The following AKAP6 variants were observed in gnomAD, a reference collection of about 807,000 sequenced individuals.
The protein encoded by AKAP6 is A-kinase anchoring protein 6.
In AKAP6, 58 loss-of-function variants were observed where a neutral mutation model predicts 188.5. That is an observed-to-expected ratio of 0.31 (90% CI 0.25 to 0.38). AKAP6 has a LOEUF of 0.38. Among genes scored for constraint, AKAP6 ranks in the 10% least tolerant of loss-of-function variants. AKAP6 has a pLI of 1.00. For synonymous variants in AKAP6, 989 were observed against 998.6 expected, an observed-to-expected ratio of 0.99 and a Z score of 0.18; for missense variants, 2,710 against 2,740.0, an observed-to-expected ratio of 0.99 and a Z score of 0.24.
At position 32,588,498 on chromosome 14, in the gene AKAP6, G is replaced by A. The variant is rs142855882; in HGVS notation, c.2470-10912G>A. ...AATCAATCTGTCCACTTCAGGGACA[G>A]CTTTTTCTCTAAGTCCTGAAAAATG... On this transcript the variant is annotated intron_variant, in intron 5 of 13. Transcript: ENST00000280979. 4.9e-3 allele frequency among the ~76,000 whole-genome samples: 744 copies of A among 152,362 alleles called. 1 individual carries two copies. Among genetic ancestry groups the A allele is most frequent in the Middle Eastern group, 0.017 (5 of 294 alleles).
chr14:32,548,119 T>C (rs2139163109), intron 4 of AKAP6, among the ~76,000 whole-genome samples: 2 of 144,090 alleles, frequency 1.4e-5, no homozygotes, highest in East Asian at 4.1e-4. Context: ...TTTTTTCCTC[T>C]GAGCAGAGTT....
At chr14:32,463,654 A>T (rs2138832736) in intron 2 of AKAP6, among the ~76,000 whole-genome samples, 1 of 152,320 alleles carries the variant, frequency 6.6e-6, no homozygotes, top group South Asian at 2.1e-4. Context: ...GGCAGGAAAG[A>T]TCTAAAATCA....
At chr14:32,712,845 T>G (rs1465229907) in intron 9 of AKAP6, among the ~76,000 whole-genome samples, 2 of 152,042 alleles carry the variant, frequency 1.3e-5, no homozygotes, top group African/African-American at 2.4e-5. Context: ...TCTTCCAAAC[T>G]CCTGTTAATG....
rs2034838562 is a variant in AKAP6 at position 32,833,135 on chromosome 14, A to T, written c.*3330A>T. The T allele has an allele frequency of 6.6e-6, 1 of 152,090 alleles. No individual in the cohort carries two copies. The highest frequency in any genetic ancestry group is 2.4e-5 in the African/African-American group (1 of 41,424). 9.4% of individuals were successfully genotyped at this position (152,090 alleles called of 1,614,324 possible). A position where few individuals can be genotyped will look rare whatever the true frequency, so the allele number is the denominator to read the frequency against. On this transcript the variant is annotated 3_prime_UTR_variant, in exon 14 of 14. Coordinates refer to ENST00000280979, the MANE Select transcript of AKAP6 (RefSeq NM_004274.5). ...TCTCCTTACATCGAATACAAACCTA[A>T]CCTGTTTCCAAGTAGGGCACTCCCT...
chr14:32,526,671 T>C (rs1295337322), intron 2 of AKAP6, among the ~76,000 whole-genome samples: 2 of 152,190 alleles, frequency 1.3e-5, no homozygotes, highest in Non-Finnish European at 2.9e-5. Flanking sequence ...TGAGCCACCA[T>C]GTTCAGCCCA....
intron 2 of AKAP6, among the ~76,000 whole-genome samples, chr14:32,530,408 T>C (rs978884496): frequency 5.3e-5 from 8 of 152,120 alleles, no homozygotes; most frequent in African/African-American, 1.9e-4. Context: ...TTTGTGGAAC[T>C]GAGGTGCCAA....
chr14:32,507,886 GA>G (rs984468717), intron 2 of AKAP6, among the ~76,000 whole-genome samples: 1 of 152,200 alleles, frequency 6.6e-6, no homozygotes, highest in Non-Finnish European at 1.5e-5. Context: ...CATGTTCTCT[GA>G]AATGAGGATC....
chr14:32,669,686 A>T (rs1889097141), intron 7 of AKAP6, among the ~76,000 whole-genome samples: 1 of 152,208 alleles, frequency 6.6e-6, no homozygotes, highest in South Asian at 2.1e-4. Flanking sequence ...AAAGAGGTTT[A>T]ATTGACTCAC....
chr14:32,510,427 T>TATAC (rs1881158516), intron 2 of AKAP6, among the ~76,000 whole-genome samples: 1 of 80,778 alleles, frequency 1.2e-5, no homozygotes, highest in African/African-American at 7.3e-5. Context: ...TATATATACA[T>TATAC]ATATATATGT....
chr14:32,700,340 A>G (rs1890571321), intron 9 of AKAP6, among the ~76,000 whole-genome samples: 1 of 152,110 alleles, frequency 6.6e-6, no homozygotes, highest in South Asian at 2.1e-4. Flanking sequence ...CCAAGGGTTA[A>G]TTTCAAGGGC....
chr14:32,462,715 C>G (rs1429996848), intron 2 of AKAP6, among the ~76,000 whole-genome samples: 4 of 151,880 alleles, frequency 2.6e-5, no homozygotes, highest in Non-Finnish European at 5.9e-5. Flanking sequence ...GGATCAAATT[C>G]ACACATAACA....
At chr14:32,509,008 G>C (rs1357644474) in intron 2 of AKAP6, among the ~76,000 whole-genome samples, 1 of 151,274 alleles carries the variant, frequency 6.6e-6, no homozygotes, top group African/African-American at 2.4e-5. Context: ...ATTTTTAGTA[G>C]AGACGGAGTT....
At chr14:32,647,551 A>G (rs940291526) in intron 7 of AKAP6, among the ~76,000 whole-genome samples, 2 of 152,102 alleles carry the variant, frequency 1.3e-5, no homozygotes, top group African/African-American at 4.8e-5. Context: ...TGGCATCTTC[A>G]GCTTTTAAGT....
intron 2 of AKAP6, among the ~76,000 whole-genome samples, chr14:32,516,369 A>G (rs1881521960): frequency 4.6e-5 from 7 of 152,198 alleles, no homozygotes; most frequent in Admixed American, 4.6e-4. Context: ...CCAATTTTTA[A>G]AACTGTATAA....
chr14:32,413,190 T>C (rs1889547050), intron 1 of AKAP6, among the ~76,000 whole-genome samples: 2 of 148,638 alleles, frequency 1.3e-5, no homozygotes, highest in South Asian at 4.4e-4. Context: ...TTTTTTTTTT[T>C]TTTTTTTTTT....
chr14:32,580,240 G>T (rs1180215559), intron 5 of AKAP6, among the ~76,000 whole-genome samples: 4 of 151,952 alleles, frequency 2.6e-5, no homozygotes, highest in African/African-American at 9.7e-5. Flanking sequence ...ATACATCAAT[G>T]ATTTTCCATG....
intron 1 of AKAP6, among the ~76,000 whole-genome samples, chr14:32,344,596 G>A (rs896976547): frequency 3.9e-5 from 6 of 152,148 alleles, no homozygotes; most frequent in Non-Finnish European, 8.8e-5. Flanking sequence ...TGACCACTGT[G>A]TTAAGCAAGT....
intron 9 of AKAP6, among the ~76,000 whole-genome samples, chr14:32,731,242 A>G (rs757875919): frequency 1.3e-5 from 2 of 152,198 alleles, no homozygotes; most frequent in Non-Finnish European, 1.5e-5. Context: ...AAACATATGC[A>G]CGCAAATGCT....
intron 9 of AKAP6, among the ~76,000 whole-genome samples, chr14:32,716,675 A>ATCTATCTG (rs1232694358): frequency 2.7e-5 from 4 of 149,144 alleles, no homozygotes; most frequent in African/African-American, 4.9e-5. Context: ...TTATCTATCT[A>ATCTATCTG]TCTATCTATC....
Sources: allele counts gnomAD v4.1 joint callset (sites outside exome capture counted in the v4.1 genomes callset), GRCh38; gene constraint gnomAD v4.1.1; transcripts MANE v1.5; gene names NCBI Gene and HGNC (gene_info 2026-07-23, HGNC 2026-07-21).